Variants in REST observed in about 807,000 individuals in gnomAD.
REST encodes RE1-silencing transcription factor.
In REST, 1 loss-of-function variant was observed where a neutral mutation model predicts 30.4. The ratio of observed to expected loss-of-function variants is 0.03; its 90% CI spans 0.01 to 0.16. The LOEUF is 0.16. Ranked by LOEUF, REST falls within the 10% of genes least tolerant of loss-of-function variation. REST has a pLI of 1.00. For missense variants in REST, 1,259 were observed against 1,329.5 expected (o/e 0.95, Z 0.82); for synonymous variants, 504 against 451.1 (o/e 1.12, Z -1.49).
At position 56,930,923 on chromosome 4, in the gene REST, C is replaced by T. The variant is rs149486440; in HGVS notation, c.2065C>T (p.Pro689Ser). ...QIVLAHMELP[P>S]PMETAQTEVA... Reference sequence around the variant, plus strand: ...TGTACTTGCTCACATGGAGCTGCCTCCTCCCATGGAGACTGCTCAGACGGA... The same window carrying T: ...TGTACTTGCTCACATGGAGCTGCCTTCTCCCATGGAGACTGCTCAGACGGA... Residue 689 changes from proline (P) to serine (S), a missense_variant, in exon 4 of 4, where the codon CCT becomes TCT. Pro to Ser is a moderately conservative substitution (Grantham distance 74). Transcript: ENST00000309042. The T allele has an allele frequency of 1.6e-4, 252 of 1,613,562 alleles. No individual in the cohort carries two copies. The highest frequency in any genetic ancestry group is 1.5e-3 in the Middle Eastern group (9 of 6,058).
In REST at chr4:56,911,257, G is replaced by C; in HGVS notation, c.619G>C (p.Glu207Gln). Reference protein sequence around the residue: ...KARESGSSTAEEGDFSKGPIR... With the variant: ...KARESGSSTAQEGDFSKGPIR... ...CAGGGAATCTGGCTCTTCCACTGCA[G>C]AAGAGGGAGATTTCTCCAAGGGCCC... The change falls in exon 2 of 4, where the codon GAA (glutamate) becomes CAA (glutamine). Residue 207 changes from glutamate to glutamine, a missense_variant. Transcript: ENST00000309042. The C allele has an allele frequency of 6.2e-7, 1 of 1,614,170 alleles. No homozygotes were observed. The highest frequency in any genetic ancestry group is 8.5e-7 in the Non-Finnish European group (1 of 1,180,022).
In REST at chr4:56,930,289, A is replaced by G. The variant is rs765344572; in HGVS notation, c.1431A>G (p.Lys477=). ...AGAAAAGAGATGTCTCAAAAGAGAA[A>G]AAGCCTTCTAATAATGTGTCAGTGA... is the stretch of plus-strand genomic sequence containing the variant. The part of the protein sequence containing the change: ...KAEKRDVSKE[K]KPSNNVSVIQ... The change falls in exon 4 of 4, where the codon AAA becomes AAG. Residue 477 remains lysine, a synonymous_variant. Coordinates refer to ENST00000309042, the MANE Select transcript of REST (RefSeq NM_005612.5). 20 of 1,613,666 alleles carry G rather than the reference A, an allele frequency of 1.2e-5. No homozygotes were observed. In the Admixed American group the frequency reaches 1.3e-4, roughly 11 times the overall value.
Position 56,933,068 on chromosome 4 carries a change from C to T in REST, c.*916C>T, listed in dbSNP as rs1481449711. 1 of 152,070 alleles carries T rather than the reference C, an allele frequency of 6.6e-6. No homozygotes were observed. The allele number at this position is 152,070 out of a possible 1,614,324, so 9.4% of individuals were successfully genotyped here. The stretch of plus-strand genomic sequence containing the variant: ...TTGATTTTTACATCTTATATCTATG[C>T]CAGAATCTGTATTTCATATAACTTA... On this transcript the variant is annotated 3_prime_UTR_variant, in exon 4 of 4. Coordinates refer to ENST00000309042, the MANE Select transcript of REST (RefSeq NM_005612.5).
At chr4:56,920,870 TTA>T (rs1720415782) in intron 3 of REST, among the ~76,000 whole-genome samples, 1 of 152,180 alleles carries the variant, frequency 6.6e-6, no homozygotes, top group African/African-American at 2.4e-5. Context: ...CTTTTTATTT[TTA>T]TATTTTTTTT....
chr4:56,919,589 C>G lies in REST; in HGVS notation c.899-198C>G, dbSNP rs1720358164. 2.6e-5 allele frequency among the ~76,000 whole-genome samples: 4 copies of G among 151,998 alleles called. No individual in the cohort carries two copies. The South Asian group carries it at 8.3e-4, about 32-fold the overall frequency. ...AATGTTGTTTTCTTGTCAGCAAAGC[C>G]AAAATAATGTAGTCATAGTTTCTGA... On this transcript the variant is annotated intron_variant, in intron 2 of 3. Coordinates refer to ENST00000309042, the MANE Select transcript of REST (RefSeq NM_005612.5).
chr4:56,911,850 T>C (rs778712669), intron 2 of REST, among the ~76,000 whole-genome samples: 2 of 152,180 alleles, frequency 1.3e-5, no homozygotes, highest in African/African-American at 2.4e-5. Flanking sequence ...TGGCCGTGCA[T>C]GGTGGCTCAC....
At chr4:56,923,588 G>C (rs943828472) in intron 3 of REST, among the ~76,000 whole-genome samples, 3 of 151,842 alleles carry the variant, frequency 2.0e-5, no homozygotes, top group African/African-American at 4.8e-5. Flanking sequence ...GAAATTACAG[G>C]CACCCGCCAC....
At position 56,907,996 on chromosome 4, in the gene REST, C is replaced by G; in HGVS notation, c.-227C>G. ...CCGCCGAGGCCCGGGGCCCCAGACC[C>G]TGGCGGCGGCTGCCGCAGCCGAGAC... On this transcript the variant is annotated 5_prime_UTR_variant, in exon 1 of 4. Coordinates refer to ENST00000309042, the MANE Select transcript of REST (RefSeq NM_005612.5). The G allele has an allele frequency of 1.1e-5, 4 of 370,618 alleles. No homozygotes were observed. Among genetic ancestry groups the G allele is most frequent in the Non-Finnish European group, 1.9e-5 (4 of 208,182 alleles). 23.0% of individuals were successfully genotyped at this position (370,618 alleles called of 1,614,324 possible).
chr4:56,908,935 C>T (rs1029373922), intron 1 of REST: 2 of 151,476 alleles, frequency 1.3e-5, no homozygotes, highest in African/African-American at 4.8e-5. Context: ...CCCGACGCCT[C>T]GCGAGGGCGC....
chr4:56,914,964 G>A (rs1286800483), intron 2 of REST, among the ~76,000 whole-genome samples: 2 of 115,692 alleles, frequency 1.7e-5, no homozygotes, highest in Non-Finnish European at 3.3e-5. Context: ...TACTCTTGTC[G>A]CCCAGGGTGG....
In REST at chr4:56,934,932, A is replaced by AT. The variant is rs1033034902; in HGVS notation, c.*2786dup. ...TGGTTTTCAAGATATTTTAAGTTATATTTTTTCCTCTTTTCAGAGCTGCTT... is the reference window on the plus strand; with the variant it reads ...TGGTTTTCAAGATATTTTAAGTTATATTTTTTTCCTCTTTTCAGAGCTGCTT... On this transcript the variant is annotated 3_prime_UTR_variant, in exon 4 of 4. Transcript: ENST00000309042. 1.4e-5 allele frequency: 2 copies of AT among 140,546 alleles called. No individual in the cohort carries two copies. The highest frequency in any genetic ancestry group is 2.2e-4 in the South Asian group (1 of 4,558). The allele number at this position is 140,546 out of a possible 1,614,324, so 8.7% of individuals were successfully genotyped here.
rs1223962262 is a variant in REST at position 56,931,252 on chromosome 4, T to A, written c.2394T>A (p.Pro798=). The change falls in exon 4 of 4, where the codon CCT becomes CCA. Residue 798 remains proline (P), a synonymous_variant. Coordinates refer to ENST00000309042, the MANE Select transcript of REST (RefSeq NM_005612.5). ...VQKEPAQREP[P]PPREPPLHME... ...AGGAGCCTGCTCAGAGGGAGCCACC[T>A]CCTCCCAGAGAGCCTCCCCTTCACA... 5.0e-6 allele frequency: 8 copies of A among 1,614,194 alleles called. No homozygotes were observed. The highest frequency in any genetic ancestry group is 5.9e-6 in the Non-Finnish European group (7 of 1,180,036).
chr4:56,926,402 A>G (rs1206176867), intron 3 of REST, among the ~76,000 whole-genome samples: 3 of 150,230 alleles, frequency 2.0e-5, no homozygotes, highest in Non-Finnish European at 3.0e-5. Flanking sequence ...TTTGAGATGG[A>G]GTCTTGCTCT....
chr4:56,929,468 A>T (rs6852110), intron 3 of REST, among the ~76,000 whole-genome samples: 1 of 151,992 alleles, frequency 6.6e-6, no homozygotes, highest in Non-Finnish European at 1.5e-5. Flanking sequence ...TTTATTTTCT[A>T]CTCCATTAGG....
rs748370783 is a variant in REST at position 56,930,656 on chromosome 4, C to G, written c.1798C>G (p.Pro600Ala). 84 of 1,613,648 alleles carry G rather than the reference C, an allele frequency of 5.2e-5. No homozygotes were observed. The highest frequency in any genetic ancestry group is 6.9e-5 in the Non-Finnish European group (82 of 1,179,952). Residue 600 changes from proline to alanine, a missense_variant, in exon 4 of 4, where the codon CCT becomes GCT. This residue lies in a region of REST where 856 missense variants were observed against 772.8 expected (regional missense o/e 1.11). Coordinates refer to ENST00000309042, the MANE Select transcript of REST (RefSeq NM_005612.5). ...KKSSKPPQKE[P>A]VEKGSAQMDP... ...AAGCAGTAAGCCTCCTCAGAAGGAA[C>G]CTGTTGAGAAGGGATCTGCTCAGAT... is the stretch of plus-strand genomic sequence containing the variant.
At chr4:56,920,591 T>C (rs2109547785) in intron 3 of REST, among the ~76,000 whole-genome samples, 1 of 152,028 alleles carries the variant, frequency 6.6e-6, no homozygotes, top group South Asian at 2.1e-4. Context: ...GGAGAAATCC[T>C]GTCTCTACTA....
chr4:56,930,090 A>G lies in REST; in HGVS notation c.1232A>G (p.Lys411Arg). 2 of 1,613,912 alleles carry G rather than the reference A, an allele frequency of 1.2e-6. No individual in the cohort carries two copies. The highest frequency in any genetic ancestry group is 1.7e-6 in the Non-Finnish European group (2 of 1,179,986). ...AATCTACAGTATCACTTCAAATCTAAGCATCCTACTTGTCCTAATAAAACA... is the reference window on the plus strand; with the variant it reads ...AATCTACAGTATCACTTCAAATCTAGGCATCCTACTTGTCCTAATAAAACA... ...KCNLQYHFKS[K>R]HPTCPNKTMD... Residue 411 changes from lysine (K) to arginine (R), a missense_variant, in exon 4 of 4, where the codon AAG (lysine) becomes AGG (arginine). Lys to Arg is a conservative substitution (Grantham distance 26, BLOSUM62 2). Coordinates refer to ENST00000309042, the MANE Select transcript of REST (RefSeq NM_005612.5).
chr4:56,927,451 AT>A (rs1484966763), intron 3 of REST, among the ~76,000 whole-genome samples: 1 of 152,194 alleles, frequency 6.6e-6, no homozygotes, highest in African/African-American at 2.4e-5. Context: ...ATCACCAGGC[AT>A]TTTCTAATCA....
chr4:56,908,166 A>G lies in REST; in HGVS notation c.-57A>G. On this transcript the variant is annotated 5_prime_UTR_variant, in exon 1 of 4. Coordinates refer to ENST00000309042, the MANE Select transcript of REST (RefSeq NM_005612.5). ...AGCAACAAAGAAAAGTAGTCGGAGAAGGAGCGGCGACTCAGGGTCGCCCGC... is the reference window on the plus strand; with the variant it reads ...AGCAACAAAGAAAAGTAGTCGGAGAGGGAGCGGCGACTCAGGGTCGCCCGC... 5.0e-6 allele frequency: 1 copy of G among 198,220 alleles called. No individual in the cohort carries two copies. The highest frequency in any genetic ancestry group is 1.0e-5 in the Non-Finnish European group (1 of 97,704). 12.3% of individuals were successfully genotyped at this position (198,220 alleles called of 1,614,324 possible). A position where few individuals can be genotyped will look rare whatever the true frequency, so the allele number is the denominator to read the frequency against.
Sources: allele counts gnomAD v4.1 joint callset (sites outside exome capture counted in the v4.1 genomes callset), GRCh38; gene constraint gnomAD v4.1.1; regional missense constraint gnomAD v4.1.1; transcripts MANE v1.5; gene names NCBI Gene and HGNC (gene_info 2026-07-23, HGNC 2026-07-21).